Variants in PLCD3 observed in about 807,000 individuals in gnomAD.
PLCD3 encodes 1-phosphatidylinositol 4,5-bisphosphate phosphodiesterase delta-3.
A neutral mutation model predicts 82.8 loss-of-function variants in PLCD3; 62 were observed. The observed-to-expected ratio is 0.75, with a 90% CI of 0.61 to 0.93. The LOEUF (loss-of-function observed/expected upper bound fraction) is 0.93. Among genes scored for constraint, PLCD3 ranks in the 40% least tolerant of loss-of-function variants. PLCD3 has a pLI of 0.00. For synonymous variants in PLCD3, 478 were observed against 471.8 expected (o/e 1.01, Z -0.17); for missense variants, 1,023 against 1,103.4 (o/e 0.93, Z 1.03).
At chr17:45,120,807 G>A in intron 3 of PLCD3, 95 bp downstream of exon 3, 5 of 1,330,856 alleles carry the variant, frequency 3.8e-6, no homozygotes, top group South Asian at 1.6e-5. Context: ...ACAGGGCCCT[G>A]CCTTCCCTGG....
At chr17:45,112,746 T>TG in intron 14 of PLCD3, 42 bp from the exon 15 acceptor site, 1 of 1,591,520 alleles carries the variant, frequency 6.3e-7, no homozygotes, top group Non-Finnish European at 8.6e-7. Flanking sequence ...CTGTGCACCC[T>TG]GGGGGTCTGG....
intron 11 of PLCD3, among the ~76,000 whole-genome samples, chr17:45,114,031 G>A (rs1461124600): frequency 6.6e-6 from 1 of 152,146 alleles, no homozygotes; most frequent in Non-Finnish European, 1.5e-5. Context: ...CATGGGAGTG[G>A]AGATTTTAAT....
chr17:45,119,983 T>G (rs1421305731), intron 4 of PLCD3, among the ~76,000 whole-genome samples: 1 of 152,258 alleles, frequency 6.6e-6, no homozygotes, highest in Non-Finnish European at 1.5e-5. Context: ...TCCGTGCACA[T>G]GCACACCTGT....
intron 8 of PLCD3, chr17:45,115,698 A>G (rs1229379211): frequency 7.0e-6 from 4 of 572,426 alleles, no homozygotes; most frequent in African/African-American, 3.7e-5. Context: ...AAGGTCCCTC[A>G]ACATCAGAAT....
rs1598032012 is a variant in PLCD3, at chr17:45,120,265, G to A, written c.684+60C>T. On this transcript the variant is annotated intron_variant, in intron 4 of 14. Coordinates refer to ENST00000619929, the MANE Select transcript of PLCD3 (RefSeq NM_133373.5). The stretch of plus-strand genomic sequence containing the variant: ...GGAGCTGATGATTCAGATGGCTGGG[G>A]GCAGGCAGAGGTCAGAGTGATGGCA... 13 of 1,607,356 alleles carry A rather than the reference G, an allele frequency of 8.1e-6. No individual in the cohort carries two copies. In the South Asian group the frequency reaches 1.4e-4, roughly 18 times the overall value.
chr17:45,119,417 G>A (rs1477869649), intron 4 of PLCD3, among the ~76,000 whole-genome samples: 3 of 152,140 alleles, frequency 2.0e-5, no homozygotes, highest in Non-Finnish European at 4.4e-5. Flanking sequence ...TGTATTTTTT[G>A]TAGAGATGGG....
At chr17:45,124,389 G>GGCTGCCCCGCAAACTGGC (rs2054365503) in intron 1 of PLCD3, among the ~76,000 whole-genome samples, 2 of 152,228 alleles carry the variant, frequency 1.3e-5, no homozygotes, top group Non-Finnish European at 2.9e-5. Flanking sequence ...TGACATTCCA[G>GGCTGCCCCGCAAACTGGC]GCTGCCCCGC....
Position 45,121,294 on chromosome 17 carries a change from T to C in PLCD3, c.242A>G (p.Lys81Arg), listed in dbSNP as rs992232874. The change falls in exon 2 of 15, where the codon AAG (lysine) becomes AGG (arginine). Residue 81 changes from lysine (K) to arginine (R), a missense_variant. Transcript: ENST00000619929. ...LRKIRSRTWH[K>R]ERLYRLQEDG... ...CTCCTGCAGCCGGTACAGCCGCTCC[T>C]TGTGCCACGTGCGCGAGCGGATCTT... 6 of 1,582,200 alleles carry C rather than the reference T, an allele frequency of 3.8e-6. No homozygotes were observed. The African/African-American group carries it at 6.7e-5, about 18-fold the overall frequency.
At chr17:45,129,653 A>T (rs1219627156) in intron 1 of PLCD3, among the ~76,000 whole-genome samples, 2 of 152,232 alleles carry the variant, frequency 1.3e-5, no homozygotes, top group Non-Finnish European at 2.9e-5. Flanking sequence ...AGGATTAAGC[A>T]GGATCAGGTC....
At chr17:45,119,555 G>A (rs1472855572) in intron 4 of PLCD3, among the ~76,000 whole-genome samples, 1 of 152,190 alleles carries the variant, frequency 6.6e-6, no homozygotes, top group Non-Finnish European at 1.5e-5. Flanking sequence ...GGACTTAAAA[G>A]GTCTCTCTGG....
At position 45,118,219 on chromosome 17, in the gene PLCD3, A is replaced by G. The variant is rs1261651693; in HGVS notation, c.1115+72T>C. The G allele has an allele frequency of 6.2e-7, 1 of 1,610,844 alleles. No homozygotes were observed. Among genetic ancestry groups the G allele is most frequent in the East Asian group, 2.2e-5 (1 of 44,852 alleles). The stretch of plus-strand genomic sequence containing the variant: ...GGGCAGCAGGCAGGCTGGGCCAGGA[A>G]GGCCCCAGGAAGCCAGCCCATGTCT... On this transcript the variant is annotated intron_variant, in intron 6 of 14. Coordinates refer to ENST00000619929, the MANE Select transcript of PLCD3 (RefSeq NM_133373.5). The surrounding 1 kb of genome is among the most constrained non-coding windows in gnomAD (Gnocchi z 4.1).
chr17:45,117,927 C>T, intron 7 of PLCD3, 67 bp downstream of exon 7: 2 of 1,579,148 alleles, frequency 1.3e-6, no homozygotes, highest in Non-Finnish European at 1.7e-6. Context: ...GGGCAGCTGG[C>T]ATGTGAGTGC....
intron 10 of PLCD3, 125 bp downstream of exon 10, chr17:45,114,949 GGCCCTCATTCCCTCAGCCCA>G: frequency 2.5e-6 from 3 of 1,212,194 alleles, no homozygotes; most frequent in Non-Finnish European, 3.4e-6. Flanking sequence ...GCATGTGCGG[GGCCCTCATTCCCTCAGCCCA>G]GCCCCTCTTT....
At position 45,118,700 on chromosome 17, in the gene PLCD3, G is replaced by C; in HGVS notation, c.913+115C>G. The C allele has an allele frequency of 5.1e-6, 6 of 1,177,780 alleles. No homozygotes were observed. The highest frequency in any genetic ancestry group is 7.1e-6 in the Non-Finnish European group (6 of 847,928). The allele number at this position is 1,177,780 out of a possible 1,614,324, so 73.0% of individuals were successfully genotyped here. On this transcript the variant is annotated intron_variant, in intron 5 of 14. Coordinates refer to ENST00000619929, the MANE Select transcript of PLCD3 (RefSeq NM_133373.5). This position sits in a 1 kb window ranked among gnomAD's most constrained non-coding sequence, Gnocchi z 4.1. ...TTTACACATGTGGAAGCTGAGTCTGGAGGAGGTGAGGTAACCTGCCCGAGA... is the reference window on the plus strand; with the variant it reads ...TTTACACATGTGGAAGCTGAGTCTGCAGGAGGTGAGGTAACCTGCCCGAGA...
At chr17:45,119,236 G>C (rs569080030) in intron 4 of PLCD3, 193 bp from the exon 5 acceptor site, 194 of 604,614 alleles carry the variant, frequency 3.2e-4, no homozygotes, top group African/African-American at 2.9e-3. Flanking sequence ...TTGTTTTTTA[G>C]GTTTGTTTGT....
chr17:45,131,039 C>T (rs925719177), intron 1 of PLCD3, among the ~76,000 whole-genome samples: 3 of 152,202 alleles, frequency 2.0e-5, no homozygotes, highest in African/African-American at 7.2e-5. Context: ...TCCACAAGTG[C>T]TTGTACCATA....
intron 14 of PLCD3, 63 bp downstream of exon 14, chr17:45,112,800 G>C (rs374370706): frequency 1.2e-6 from 2 of 1,600,936 alleles, no homozygotes; most frequent in Non-Finnish European, 8.5e-7. Context: ...GAGGCACAAA[G>C]GTGAACAGGG....
In PLCD3 at chr17:45,120,941, G is replaced by A; in HGVS notation, c.515C>T (p.Ala172Val). Residue 172 changes from alanine (A) to valine (V), a missense_variant, in exon 3 of 15, where the codon GCG becomes GTG. Around this residue, in one of 3 missense-constraint regions of PLCD3, gnomAD observed 448 missense variants for 406.3 expected, o/e 1.10. Transcript: ENST00000619929. ...RWVRGLTKLR[A>V]RLDAMSQRER... is the part of the protein sequence containing the mutation. The stretch of plus-strand genomic sequence containing the variant: ...GCGCTGGCTCATGGCGTCCAGGCGC[G>A]CGCGGAGCTTGGTCAGACCGCGCAC... 2.0e-6 allele frequency: 3 copies of A among 1,482,820 alleles called. No individual in the cohort carries two copies. The highest frequency in any genetic ancestry group is 2.7e-6 in the Non-Finnish European group (3 of 1,123,976). 91.9% of individuals were successfully genotyped at this position (1,482,820 alleles called of 1,614,324 possible).
chr17:45,115,535 CCT>C, intron 8 of PLCD3, 45 bp from the exon 9 acceptor site: 1 of 1,523,104 alleles, frequency 6.6e-7, no homozygotes, highest in Non-Finnish European at 8.9e-7. Flanking sequence ...CCTTCTCGCC[CCT>C]GTGGCAGCCA....
Sources: allele counts gnomAD v4.1 joint callset (sites outside exome capture counted in the v4.1 genomes callset), GRCh38; gene constraint gnomAD v4.1.1; regional missense constraint gnomAD v4.1.1; non-coding constraint Gnocchi (gnomAD v3.1); transcripts MANE v1.5; gene names NCBI Gene and HGNC (gene_info 2026-07-23, HGNC 2026-07-21).